Variants in SLC4A4 observed in about 807,000 individuals in gnomAD.
The protein encoded by SLC4A4 is electrogenic sodium bicarbonate cotransporter 1.
SLC4A4 carries 27 observed loss-of-function variants against 111.5 expected under a neutral mutation model. The ratio of observed to expected loss-of-function variants is 0.24; its 90% CI spans 0.18 to 0.33. The LOEUF (loss-of-function observed/expected upper bound fraction) is 0.33, where lower values mean the gene tolerates loss of function less well. Among genes scored for constraint, SLC4A4 ranks in the 10% least tolerant of loss-of-function variants. SLC4A4 has a pLI of 1.00. For missense variants in SLC4A4, 909 were observed against 1,315.5 expected, an observed-to-expected ratio of 0.69 and a Z score of 4.78; for synonymous variants, 443 against 463.4, an observed-to-expected ratio of 0.96 and a Z score of 0.57.
At chr4:71,064,770 G>A (rs1741473180) in intron 1 of SLC4A4, among the ~76,000 whole-genome samples, 1 of 152,146 alleles carries the variant, frequency 6.6e-6, no homozygotes, top group South Asian at 2.1e-4. Context: ...GCAGTGGAGT[G>A]GAATGGCTTT....
intron 1 of SLC4A4, among the ~76,000 whole-genome samples, chr4:71,064,963 T>C (rs1402485838): frequency 6.6e-6 from 1 of 152,230 alleles, no homozygotes; most frequent in Non-Finnish European, 1.5e-5. Flanking sequence ...TTTCTGTTTA[T>C]TGCCTCCTCT....
At chr4:71,516,103 T>C (rs1732365887) in intron 16 of SLC4A4, among the ~76,000 whole-genome samples, 1 of 103,282 alleles carries the variant, frequency 9.7e-6, no homozygotes, top group African/African-American at 3.8e-5. Context: ...TTTTTTTTTT[T>C]TTTTTTTTTT....
At chr4:71,381,167 C>A (rs1217472850) in intron 6 of SLC4A4, among the ~76,000 whole-genome samples, 2 of 152,128 alleles carry the variant, frequency 1.3e-5, no homozygotes, top group Non-Finnish European at 2.9e-5. Flanking sequence ...ATTCAGCATC[C>A]TTTTCGAGGA....
chr4:71,562,027 A>C (rs1737021943), intron 23 of SLC4A4, among the ~76,000 whole-genome samples: 1 of 151,826 alleles, frequency 6.6e-6, no homozygotes, highest in Admixed American at 6.6e-5. Context: ...TAGTGACAAA[A>C]GTTGGATCAA....
intron 1 of SLC4A4, among the ~76,000 whole-genome samples, chr4:71,209,299 GA>G (rs1335171466): frequency 1.3e-5 from 2 of 152,064 alleles, no homozygotes; most frequent in Non-Finnish European, 2.9e-5. Flanking sequence ...TAGGATCTTG[GA>G]AAAAAGAAGC....
At chr4:71,154,466 G>A (rs1352224695) in intron 2 of SLC4A4, among the ~76,000 whole-genome samples, 1 of 152,122 alleles carries the variant, frequency 6.6e-6, no homozygotes, top group Non-Finnish European at 1.5e-5. Context: ...TTAGAGGAAG[G>A]AAGAAAGAAG....
chr4:71,229,870 G>T (rs1719301151), intron 1 of SLC4A4, among the ~76,000 whole-genome samples: 1 of 143,646 alleles, frequency 7.0e-6, no homozygotes, highest in African/African-American at 2.6e-5. Flanking sequence ...AATGGTTGCA[G>T]CTTTTTCTTG....
exon 1 of SLC4A4, among the ~76,000 whole-genome samples, chr4:71,062,755 CAT>C (rs1397193811): frequency 6.6e-6 from 1 of 152,138 alleles, no homozygotes; most frequent in African/African-American, 2.4e-5. Context: ...TGCTGAAAAA[CAT>C]ATTACCACAG....
intron 2 of SLC4A4, among the ~76,000 whole-genome samples, chr4:71,161,075 C>T (rs920991109): frequency 2.6e-4 from 40 of 152,150 alleles, no homozygotes; most frequent in African/African-American, 7.7e-4. Context: ...GGCCAGAGGG[C>T]GGAGAGACTT....
At chr4:71,477,157 A>G (rs1487318995) in intron 14 of SLC4A4, among the ~76,000 whole-genome samples, 2 of 151,760 alleles carry the variant, frequency 1.3e-5, no homozygotes, top group Non-Finnish European at 2.9e-5. Context: ...ACCCAGAACT[A>G]GGCTAATTAC....
intron 16 of SLC4A4, among the ~76,000 whole-genome samples, chr4:71,498,704 GAATGAAAAATTTCCACAAAGTGA>G (rs1346578759): frequency 1.3e-5 from 2 of 152,038 alleles, no homozygotes; most frequent in Non-Finnish European, 2.9e-5. Flanking sequence ...ATAGCCCAAG[GAATGAAAAATTTCCACAAAGTGA>G]AATTTAGAAA....
chr4:71,278,399 T>C (rs1723240770), intron 3 of SLC4A4, among the ~76,000 whole-genome samples: 1 of 152,198 alleles, frequency 6.6e-6, no homozygotes. Flanking sequence ...GTGGTGAATA[T>C]GTGAGTGCCA....
chr4:71,357,824 CAG>C (rs1730421936), intron 6 of SLC4A4, among the ~76,000 whole-genome samples: 1 of 152,012 alleles, frequency 6.6e-6, no homozygotes, highest in Non-Finnish European at 1.5e-5. Context: ...ATTGATTTAC[CAG>C]AGTTTCCTGT....
rs116125866 is a variant in SLC4A4, at chr4:71,274,052, G to A, written c.253+18653G>A. On this transcript the variant is annotated intron_variant, in intron 3 of 25. Coordinates refer to ENST00000264485, the MANE Select transcript of SLC4A4 (RefSeq NM_001098484.3). ...TCTGTGTGTAACTGTTGACTCCTCA[G>A]AACTTAACTACTAATAGCCTACTGT... Among the ~76,000 whole-genome samples the A allele has an allele frequency of 5.4e-3, 819 of 152,228 alleles. 16 individuals carry two copies. The highest frequency in any genetic ancestry group is 0.019 in the African/African-American group (777 of 41,520).
At chr4:71,231,928 G>A (rs1159647926) in intron 1 of SLC4A4, among the ~76,000 whole-genome samples, 3 of 152,144 alleles carry the variant, frequency 2.0e-5, no homozygotes, top group Non-Finnish European at 2.9e-5. Flanking sequence ...GAGGATTTGC[G>A]GTGGGGAGGG....
chr4:71,137,277 T>C (rs1320669677), intron 2 of SLC4A4, among the ~76,000 whole-genome samples: 2 of 152,154 alleles, frequency 1.3e-5, no homozygotes, highest in African/African-American at 4.8e-5. Flanking sequence ...ATCCCTGTCA[T>C]ATTTCCTTTT....
At chr4:71,107,862 C>A (rs1322470176) in intron 2 of SLC4A4, among the ~76,000 whole-genome samples, 1 of 55,044 alleles carries the variant, frequency 1.8e-5, no homozygotes, top group Admixed American at 2.8e-4. Context: ...CAAACACCAC[C>A]ATGTCTAATT....
chr4:71,366,152 A>C (rs1278866516), intron 6 of SLC4A4, among the ~76,000 whole-genome samples: 3 of 152,204 alleles, frequency 2.0e-5, no homozygotes, highest in African/African-American at 7.2e-5. Context: ...ATCTTGGGTT[A>C]AATTTCTTGT....
At chr4:71,259,809 C>T (rs575992480) in intron 3 of SLC4A4, among the ~76,000 whole-genome samples, 1 of 152,206 alleles carries the variant, frequency 6.6e-6, no homozygotes, top group African/African-American at 2.4e-5. Flanking sequence ...CTTATGGGGG[C>T]ATCACAGGCT....
Sources: allele counts gnomAD v4.1 joint callset (sites outside exome capture counted in the v4.1 genomes callset), GRCh38; gene constraint gnomAD v4.1.1; transcripts MANE v1.5; gene names NCBI Gene and HGNC (gene_info 2026-07-23, HGNC 2026-07-21).